The following FARS2 variants were observed in gnomAD, a reference collection of about 807,000 sequenced individuals.
FARS2 encodes phenylalanyl-tRNA synthetase 2, mitochondrial, also known as phenylalanine--tRNA ligase, mitochondrial.
FARS2 carries 40 observed loss-of-function variants against 46.4 expected under a neutral mutation model. The observed-to-expected ratio is 0.86, with a 90% CI of 0.67 to 1.12. The LOEUF (loss-of-function observed/expected upper bound fraction) is 1.12, where lower values mean the gene tolerates loss of function less well. Ranked by LOEUF, FARS2 falls within the 50% of genes most tolerant of loss-of-function variation. The probability of loss-of-function intolerance (pLI) is 0.00; values close to 1 mark genes in which losing one functional copy is unlikely to be tolerated. For missense variants in FARS2, 513 were observed against 567.9 expected, an observed-to-expected ratio of 0.90 and a Z score of 0.98; for synonymous variants, 234 against 214.9, an observed-to-expected ratio of 1.09 and a Z score of -0.78.
intron 3 of FARS2, among the ~76,000 whole-genome samples, chr6:5,423,197 G>A (rs751827189): frequency 1.3e-5 from 2 of 151,994 alleles, no homozygotes; most frequent in African/African-American, 4.8e-5. Context: ...GAGGAGGATC[G>A]AGGACCAAAG....
intron 5 of FARS2, among the ~76,000 whole-genome samples, chr6:5,588,299 C>T (rs9405275): frequency 0.54 from 82,654 of 151,806 alleles, 22,632 homozygotes; most frequent in Non-Finnish European, 0.59. Context: ...CTCTTCTCCT[C>T]GGGACCACGC....
chr6:5,582,037 C>A (rs1773364138), intron 5 of FARS2, among the ~76,000 whole-genome samples: 1 of 94,946 alleles, frequency 1.1e-5, no homozygotes, highest in Non-Finnish European at 2.2e-5. Flanking sequence ...TAACATACTT[C>A]CGGTTAATTC....
At chr6:5,429,253 A>C (rs537310049) in intron 3 of FARS2, among the ~76,000 whole-genome samples, 1 of 152,032 alleles carries the variant, frequency 6.6e-6, no homozygotes, top group African/African-American at 2.4e-5. Flanking sequence ...ATGTTTGTCT[A>C]TTTAACACAG....
chr6:5,537,811 T>C (rs181543954), intron 4 of FARS2, among the ~76,000 whole-genome samples: 1 of 152,340 alleles, frequency 6.6e-6, no homozygotes, highest in African/African-American at 2.4e-5. Flanking sequence ...TACTGTCCTT[T>C]CACACTGATA....
At position 5,453,817 on chromosome 6, in the gene FARS2, A is replaced by G. The variant is rs191055279; in HGVS notation, c.904+22645A>G. ...CAGTGGGTAGTCTAGGCATAAACAC[A>G]TGGAAAGTATGTTAAATGCAGGAGT... On this transcript the variant is annotated intron_variant, in intron 4 of 6. Transcript: ENST00000274680. 5.9e-4 allele frequency among the ~76,000 whole-genome samples: 90 copies of G among 152,268 alleles called. 1 individual carries two copies. The highest frequency in any genetic ancestry group is 9.6e-4 in the Non-Finnish European group (65 of 68,024).
chr6:5,690,384 G>A (rs1352379994), intron 6 of FARS2, among the ~76,000 whole-genome samples: 1 of 151,444 alleles, frequency 6.6e-6, no homozygotes, highest in African/African-American at 2.4e-5. Flanking sequence ...CTCTTTTAGG[G>A]CAGGCCTGGT....
At chr6:5,371,128 G>C in intron 2 of FARS2, 1 of 915,918 alleles carries the variant, frequency 1.1e-6, no homozygotes, top group Non-Finnish European at 1.3e-6. Flanking sequence ...TCCTTTCTAC[G>C]TGGGACCTGC....
chr6:5,257,536 C>A (rs780324486), upstream of FARS2, among the ~76,000 whole-genome samples: 1 of 152,212 alleles, frequency 6.6e-6, no homozygotes, highest in African/African-American at 2.4e-5. Flanking sequence ...GGGTCCCCAA[C>A]CCATCAGTAC....
chr6:5,497,156 C>T (rs1426297184), intron 4 of FARS2, among the ~76,000 whole-genome samples: 1 of 152,172 alleles, frequency 6.6e-6, no homozygotes, highest in Non-Finnish European at 1.5e-5. Context: ...CAAATCCCTA[C>T]TTATAAGAAT....
intron 1 of FARS2, among the ~76,000 whole-genome samples, chr6:5,295,911 A>G (rs1027243405): frequency 1.3e-5 from 2 of 152,116 alleles, no homozygotes; most frequent in Non-Finnish European, 2.9e-5. Flanking sequence ...CTTTTCACGT[A>G]AAACACTGTG....
In FARS2 at chr6:5,619,455, A is replaced by G. The variant is rs7751107; in HGVS notation, c.1217+6135A>G. On this transcript the variant is annotated intron_variant, in intron 6 of 6. Transcript: ENST00000274680. The stretch of plus-strand genomic sequence containing the variant: ...TGCCACTTCCTGCTCACAGTCGCAG[A>G]TGGGGCTTCCTGAGTCTGTGCACTG... Among the ~76,000 whole-genome samples the G allele has an allele frequency of 0.16, 24,967 of 152,002 alleles. 2,175 individuals carry two copies. The highest frequency in any genetic ancestry group is 0.2 in the South Asian group (943 of 4,808).
At chr6:5,670,755 C>T (rs1778413000) in intron 6 of FARS2, among the ~76,000 whole-genome samples, 1 of 152,052 alleles carries the variant, frequency 6.6e-6, no homozygotes, top group Non-Finnish European at 1.5e-5. Flanking sequence ...AATAAGCACA[C>T]TTTTTAAGTG....
At position 5,404,554 on chromosome 6, in the gene FARS2, A is replaced by G. The variant is rs764360302; in HGVS notation, c.625A>G (p.Ile209Val). ...TGTTGGTTTACAGTTATTTGCTGGT[A>G]TAAAGGATGGAGAAAGCCTGCAGCT... ...LFSKHELFAG[I>V]KDGESLQLFE... The change falls in exon 3 of 7, where the codon ATA (isoleucine) becomes GTA (valine). Residue 209 changes from isoleucine to valine, a missense_variant. Ile to Val is a conservative substitution (Grantham distance 29). Transcript: ENST00000274680. 12 of 1,599,720 alleles carry G rather than the reference A, an allele frequency of 7.5e-6. No homozygotes were observed. Among genetic ancestry groups the G allele is most frequent in the Admixed American group, 6.8e-5 (4 of 58,774 alleles).
intron 6 of FARS2, among the ~76,000 whole-genome samples, chr6:5,616,623 A>C (rs1454718550): frequency 6.6e-6 from 1 of 152,228 alleles, no homozygotes; most frequent in Non-Finnish European, 1.5e-5. Flanking sequence ...AATTTTATAC[A>C]ATATTTTTAA....
intron 6 of FARS2, among the ~76,000 whole-genome samples, chr6:5,683,789 G>A (rs1779156138): frequency 6.6e-6 from 1 of 151,978 alleles, no homozygotes; most frequent in Non-Finnish European, 1.5e-5. Context: ...CCTCTCGACA[G>A]GCCCCGGTAT....
chr6:5,336,623 C>T (rs182230293), intron 1 of FARS2, among the ~76,000 whole-genome samples: 90 of 152,040 alleles, frequency 5.9e-4, no homozygotes, highest in Non-Finnish European at 1.2e-3. Flanking sequence ...GTATGCATCC[C>T]CTCAATCATT....
chr6:5,582,378 C>T (rs1773387471), intron 5 of FARS2, among the ~76,000 whole-genome samples: 1 of 152,204 alleles, frequency 6.6e-6, no homozygotes. Context: ...TAATGACTTA[C>T]CTATGTTAAG....
intron 3 of FARS2, among the ~76,000 whole-genome samples, chr6:5,417,435 C>T (rs1359711992): frequency 6.6e-6 from 1 of 152,098 alleles, no homozygotes; most frequent in Non-Finnish European, 1.5e-5. Context: ...CCATGTTGCC[C>T]AGGCTGGTCT....
chr6:5,500,290 A>G (rs1051956083), intron 4 of FARS2, among the ~76,000 whole-genome samples: 2 of 152,200 alleles, frequency 1.3e-5, no homozygotes, highest in African/African-American at 4.8e-5. Context: ...CGTTTTCTTC[A>G]GCTTCTTGAG....
Sources: gnomAD v4.1 joint callset for allele counts (sites outside exome capture counted in the v4.1 genomes callset) on GRCh38, gnomAD v4.1.1 for gene constraint, MANE v1.5 for transcripts, NCBI Gene and HGNC (gene_info 2026-07-23, HGNC 2026-07-21) for gene names.